Variants in ZNF277 observed in about 807,000 individuals in gnomAD.
The protein encoded by ZNF277 is zinc finger protein 277.
Under a neutral mutation model 60.7 loss-of-function variants are expected in ZNF277, and 55 were observed. That is an observed-to-expected ratio of 0.91 (90% CI 0.73 to 1.13). The LOEUF (loss-of-function observed/expected upper bound fraction) is 1.13. Among genes scored for constraint, ZNF277 ranks in the 50% most tolerant of loss-of-function variants. ZNF277 has a pLI of 0.00. For synonymous variants in ZNF277, 178 were observed against 179.3 expected (o/e 0.99, Z 0.06); for missense variants, 510 against 523.0 (o/e 0.98, Z 0.24).
rs991936783 is a variant in ZNF277, at chr7:112,279,827, A to C, written c.92-7046A>C. Among the ~76,000 whole-genome samples, 11 of 152,322 alleles carry C rather than the reference A, an allele frequency of 7.2e-5. No homozygotes were observed. In the East Asian group the frequency reaches 2.1e-3, roughly 29 times the overall value. On this transcript the variant is annotated intron_variant, in intron 1 of 11. Transcript: ENST00000361822. The stretch of plus-strand genomic sequence containing the variant: ...ATATATTTACTACTCAAGAAGTGGA[A>C]GTGGATCGTCATAAAGGTCTTTATC...
At chr7:112,236,662 A>T (rs1790798074) in intron 1 of ZNF277, among the ~76,000 whole-genome samples, 1 of 152,086 alleles carries the variant, frequency 6.6e-6, no homozygotes, top group Non-Finnish European at 1.5e-5. Context: ...AATTTTGGTG[A>T]CTCATAAAAT....
intron 2 of ZNF277, among the ~76,000 whole-genome samples, chr7:112,294,690 C>T (rs1006030800): frequency 3.9e-5 from 6 of 152,106 alleles, no homozygotes; most frequent in Admixed American, 3.9e-4. Flanking sequence ...CAGCTCGTGT[C>T]ATGTTTATCT....
chr7:112,245,863 C>T (rs1298329242), intron 1 of ZNF277, among the ~76,000 whole-genome samples: 2 of 152,114 alleles, frequency 1.3e-5, no homozygotes, highest in African/African-American at 4.8e-5. Context: ...TGGGTTGGGA[C>T]ATCCTATCTT....
At chr7:112,308,139 A>G (rs1434297504) in intron 4 of ZNF277, among the ~76,000 whole-genome samples, 1 of 151,900 alleles carries the variant, frequency 6.6e-6, no homozygotes, top group Non-Finnish European at 1.5e-5. Flanking sequence ...TCACTGCCAG[A>G]TGTTCTTTGG....
At chr7:112,254,122 C>G (rs561108062) in intron 1 of ZNF277, among the ~76,000 whole-genome samples, 43 of 152,316 alleles carry the variant, frequency 2.8e-4, no homozygotes, top group Non-Finnish European at 7.4e-5. Context: ...ACTTAACTTT[C>G]TAAACTGTCT....
rs540015261 is a variant in ZNF277, at chr7:112,296,381, T to C, written c.465+70T>C. Reference sequence around the variant, plus strand: ...ATAAATACATATAAAATCATATTGGTTTTTTTTTTTTTTACTTTTTGTTAT... The same window carrying C: ...ATAAATACATATAAAATCATATTGGCTTTTTTTTTTTTTACTTTTTGTTAT... On this transcript the variant is annotated intron_variant, in intron 4 of 11. Coordinates refer to ENST00000361822, the MANE Select transcript of ZNF277 (RefSeq NM_021994.3). 1.1e-3 allele frequency: 238 copies of C among 212,264 alleles called. 1 individual carries two copies. Among genetic ancestry groups the C allele is most frequent in the African/African-American group, 9.1e-3 (189 of 20,708 alleles). The allele number at this position is 212,264 out of a possible 1,614,324, so 13.1% of individuals were successfully genotyped here.
At chr7:112,324,455 T>C (rs1040225615) in intron 5 of ZNF277, among the ~76,000 whole-genome samples, 1 of 152,154 alleles carries the variant, frequency 6.6e-6, no homozygotes, top group African/African-American at 2.4e-5. Context: ...GGAATTAATT[T>C]AAAAATTAAA....
At chr7:112,223,243 G>C (rs147078954) in intron 1 of ZNF277, among the ~76,000 whole-genome samples, 1 of 152,222 alleles carries the variant, frequency 6.6e-6, no homozygotes, top group Non-Finnish European at 1.5e-5. Flanking sequence ...GATGAGATTC[G>C]GGGCCATTTC....
chr7:112,214,367 C>G (rs1407762646), intron 1 of ZNF277, among the ~76,000 whole-genome samples: 2 of 152,158 alleles, frequency 1.3e-5, no homozygotes, highest in Non-Finnish European at 2.9e-5. Context: ...AATTAGGGTT[C>G]AGTTTTGACT....
At chr7:112,317,971 C>T (rs1289901505) in intron 4 of ZNF277, among the ~76,000 whole-genome samples, 4 of 152,072 alleles carry the variant, frequency 2.6e-5, no homozygotes, top group Non-Finnish European at 1.5e-5. Context: ...TTAATTCCCA[C>T]ATAGCTGTTA....
intron 1 of ZNF277, among the ~76,000 whole-genome samples, chr7:112,226,711 T>C (rs1472809345): frequency 6.6e-6 from 1 of 152,222 alleles, no homozygotes; most frequent in East Asian, 1.9e-4. Flanking sequence ...ACTTCAAGAA[T>C]GTAGGTTAGT....
At chr7:112,287,584 T>C (rs1218625077) in intron 2 of ZNF277, 3 of 151,810 alleles carry the variant, frequency 2.0e-5, no homozygotes, top group Non-Finnish European at 2.9e-5. Context: ...TGGAGTGCAG[T>C]GGCACGATCT....
At chr7:112,264,743 A>T (rs989140891) in intron 1 of ZNF277, among the ~76,000 whole-genome samples, 3 of 151,560 alleles carry the variant, frequency 2.0e-5, no homozygotes, top group Non-Finnish European at 2.9e-5. Flanking sequence ...AGCGAGTCAC[A>T]TGGATTTTTT....
intron 4 of ZNF277, among the ~76,000 whole-genome samples, chr7:112,310,578 T>G (rs1476069189): frequency 6.6e-6 from 1 of 152,112 alleles, no homozygotes; most frequent in African/African-American, 2.4e-5. Flanking sequence ...TACATTGTTC[T>G]GTAGCAGCTT....
At chr7:112,301,295 G>T (rs979202054) in intron 4 of ZNF277, among the ~76,000 whole-genome samples, 1 of 151,934 alleles carries the variant, frequency 6.6e-6, no homozygotes, top group African/African-American at 2.4e-5. Context: ...AAGCCATTGC[G>T]CCTGGCCCTA....
At chr7:112,319,431 C>T (rs1216445744) in intron 5 of ZNF277, among the ~76,000 whole-genome samples, 3 of 151,834 alleles carry the variant, frequency 2.0e-5, no homozygotes, top group Non-Finnish European at 4.4e-5. Flanking sequence ...TATACATTCA[C>T]TTAAATACAA....
intron 9 of ZNF277, among the ~76,000 whole-genome samples, chr7:112,338,035 T>A (rs1403183818): frequency 6.6e-6 from 1 of 152,196 alleles, no homozygotes; most frequent in Non-Finnish European, 1.5e-5. Context: ...AGTGTGAGAT[T>A]TCTCAGACCA....
At chr7:112,330,058 T>A (rs760467470) in intron 6 of ZNF277, 26 bp from the exon 7 acceptor site, 13 of 1,595,744 alleles carry the variant, frequency 8.1e-6, no homozygotes, top group Non-Finnish European at 1.1e-5. Flanking sequence ...GAGACTTGTT[T>A]ATCAGTGTTT....
intron 1 of ZNF277, among the ~76,000 whole-genome samples, chr7:112,276,791 G>T (rs1274514052): frequency 6.6e-6 from 1 of 152,122 alleles, no homozygotes; most frequent in African/African-American, 2.4e-5. Flanking sequence ...CAGATATTAA[G>T]AATTACATTT....
Sources: gnomAD v4.1 joint callset for allele counts (sites outside exome capture counted in the v4.1 genomes callset) on GRCh38, gnomAD v4.1.1 for gene constraint, MANE v1.5 for transcripts, NCBI Gene and HGNC (gene_info 2026-07-23, HGNC 2026-07-21) for gene names.